The following MKLN1 variants were observed in gnomAD, a reference collection of about 807,000 sequenced individuals.
MKLN1 encodes muskelin 1.
A neutral mutation model predicts 99.0 loss-of-function variants in MKLN1; 18 were observed. That is an observed-to-expected ratio of 0.18 (90% confidence interval 0.13 to 0.27). The LOEUF (loss-of-function observed/expected upper bound fraction) is 0.27. Ranked by LOEUF, MKLN1 falls within the 10% of genes least tolerant of loss-of-function variation. The pLI, the probability that MKLN1 is intolerant of heterozygous loss-of-function variation, is 1.00. For missense variants in MKLN1, 621 were observed against 875.9 expected (o/e 0.71, Z 3.67); for synonymous variants, 288 against 293.2 (o/e 0.98, Z 0.18).
intron 15 of MKLN1, among the ~76,000 whole-genome samples, chr7:131,466,922 C>T (rs576313470): frequency 3.4e-4 from 51 of 149,232 alleles, no homozygotes; most frequent in African/African-American, 1.2e-3. Context: ...CACACACACA[C>T]ACGCGCGCGC....
chr7:131,439,266 C>A (rs465331), intron 10 of MKLN1, among the ~76,000 whole-genome samples: 1 of 151,504 alleles, frequency 6.6e-6, no homozygotes, highest in Non-Finnish European at 1.5e-5. Context: ...TTACGTATTT[C>A]TTTTACAAAA....
chr7:131,429,229 C>T (rs909146924), intron 9 of MKLN1, 84 bp downstream of exon 9: 2 of 868,538 alleles, frequency 2.3e-6, no homozygotes, highest in East Asian at 2.6e-5. Flanking sequence ...ATATTCTTCA[C>T]TAATGTCTGT....
intron 3 of MKLN1, among the ~76,000 whole-genome samples, chr7:131,280,277 G>A (rs1040958860): frequency 9.2e-5 from 14 of 152,164 alleles, no homozygotes; most frequent in African/African-American, 3.1e-4. Context: ...TCACGTACAG[G>A]TTTCCATGTG....
intron 2 of MKLN1, 48 bp from the exon 3 acceptor site, chr7:131,387,072 A>C: frequency 6.6e-7 from 1 of 1,518,136 alleles, no homozygotes. Flanking sequence ...GTTGTCTAAC[A>C]TTTGTTTTAA....
intron 9 of MKLN1, among the ~76,000 whole-genome samples, chr7:131,435,815 C>T (rs570656735): frequency 6.6e-6 from 1 of 152,022 alleles, no homozygotes; most frequent in African/African-American, 2.4e-5. Flanking sequence ...GTTTATAATT[C>T]TATCAGTCTT....
At chr7:131,300,758 A>G (rs892240011) in intron 3 of MKLN1, among the ~76,000 whole-genome samples, 3 of 151,906 alleles carry the variant, frequency 2.0e-5, no homozygotes, top group South Asian at 2.1e-4. Context: ...TCATACCACC[A>G]TCACCTGTTG....
intron 1 of MKLN1, among the ~76,000 whole-genome samples, chr7:131,123,055 G>A (rs921512093): frequency 3.9e-4 from 51 of 131,614 alleles, no homozygotes; most frequent in Middle Eastern, 4.3e-3. Context: ...AAAAAGTGTT[G>A]CTGCTATCAG....
intron 3 of MKLN1, among the ~76,000 whole-genome samples, chr7:131,276,558 T>C (rs1797978793): frequency 6.6e-6 from 1 of 152,156 alleles, no homozygotes; most frequent in South Asian, 2.1e-4. Flanking sequence ...GGGCACAGTG[T>C]GGTTCACCAT....
chr7:131,459,139 G>T (rs1186939037), intron 12 of MKLN1, among the ~76,000 whole-genome samples: 1 of 152,180 alleles, frequency 6.6e-6, no homozygotes, highest in Non-Finnish European at 1.5e-5. Context: ...ATTTAATGCA[G>T]GTAGACTGAG....
At chr7:131,324,878 T>G (rs979007226), upstream of MKLN1, among the ~76,000 whole-genome samples, 1 of 152,236 alleles carries the variant, frequency 6.6e-6, no homozygotes, top group Non-Finnish European at 1.5e-5. Flanking sequence ...AATTTTCGTC[T>G]TGGTATCATA....
intron 2 of MKLN1, among the ~76,000 whole-genome samples, chr7:131,376,228 T>C (rs1453370802): frequency 1.3e-5 from 2 of 148,976 alleles, no homozygotes; most frequent in Non-Finnish European, 3.0e-5. Context: ...CTAAAGAATA[T>C]ATATTTATAA....
At chr7:131,418,392 A>AAT (rs1326738927) in intron 8 of MKLN1, among the ~76,000 whole-genome samples, 1 of 150,852 alleles carries the variant, frequency 6.6e-6, no homozygotes. Flanking sequence ...AAAAAAAAAA[A>AAT]GAGAGATAAA....
In MKLN1 at chr7:131,437,752, GTTTA is replaced by G. The variant is rs747319152; in HGVS notation, c.961-21_961-18del. The G allele has an allele frequency of 8.2e-5, 121 of 1,468,306 alleles. No homozygotes were observed. The Admixed American group carries it at 1.1e-3, about 13-fold the overall frequency. 91.0% of individuals were successfully genotyped at this position (1,468,306 alleles called of 1,614,324 possible). A position where few individuals can be genotyped will look rare whatever the true frequency, so the allele number is the denominator to read the frequency against. ...TTTGATTTTTTTTTGCTCTTTATTTGTTTATTTATTTATTTTCTCTCTCTCTCTA... is the reference window on the plus strand; with the variant it reads ...TTTGATTTTTTTTTGCTCTTTATTTGTTTATTTATTTTCTCTCTCTCTCTA... On this transcript the variant is annotated intron_variant, in intron 9 of 17. Transcript: ENST00000352689.
intron 2 of MKLN1, among the ~76,000 whole-genome samples, chr7:131,194,280 G>T (rs1013723529): frequency 2.0e-5 from 3 of 152,040 alleles, no homozygotes; most frequent in African/African-American, 7.2e-5. Flanking sequence ...TTACGCAATT[G>T]CTTCCAACTT....
intron 3 of MKLN1, among the ~76,000 whole-genome samples, chr7:131,252,904 T>A (rs1356137076): frequency 1.3e-5 from 2 of 152,140 alleles, no homozygotes; most frequent in Non-Finnish European, 2.9e-5. Flanking sequence ...TTTAATTTAG[T>A]GTTCATATTA....
At chr7:131,367,685 A>G (rs996320584) in intron 1 of MKLN1, among the ~76,000 whole-genome samples, 1 of 152,020 alleles carries the variant, frequency 6.6e-6, no homozygotes, top group Non-Finnish European at 1.5e-5. Flanking sequence ...CTTACCTGGT[A>G]TCTCTGTTCT....
At chr7:131,254,559 A>G (rs1797629553) in intron 3 of MKLN1, among the ~76,000 whole-genome samples, 1 of 152,190 alleles carries the variant, frequency 6.6e-6, no homozygotes. Flanking sequence ...GGATGATGAC[A>G]ATGCCTCATT....
intron 3 of MKLN1, among the ~76,000 whole-genome samples, chr7:131,223,562 C>G (rs955455731): frequency 2.0e-5 from 3 of 152,142 alleles, no homozygotes; most frequent in Admixed American, 2.0e-4. Context: ...TTCTGTGGCT[C>G]TTTCATGCCT....
chr7:131,297,790 T>C (rs1207865083), intron 3 of MKLN1, among the ~76,000 whole-genome samples: 1 of 152,186 alleles, frequency 6.6e-6, no homozygotes, highest in Non-Finnish European at 1.5e-5. Context: ...CCATTGCAAC[T>C]AGAAGTGTGA....
Sources: gnomAD v4.1 joint callset for allele counts (sites outside exome capture counted in the v4.1 genomes callset) on GRCh38, gnomAD v4.1.1 for gene constraint, MANE v1.5 for transcripts, NCBI Gene and HGNC (gene_info 2026-07-23, HGNC 2026-07-21) for gene names.